The following GLMN variants were observed in gnomAD, a reference collection of about 807,000 sequenced individuals.
GLMN encodes glomulin, FKBP associated protein.
A neutral mutation model predicts 87.8 loss-of-function variants in GLMN; 75 were observed. The ratio of observed to expected loss-of-function variants is 0.85; its 90% CI spans 0.71 to 1.04. GLMN has a LOEUF of 1.04. Ranked by LOEUF, GLMN falls within the 50% of genes least tolerant of loss-of-function variation. GLMN has a pLI of 0.00. For synonymous variants in GLMN, 206 were observed against 221.6 expected, an observed-to-expected ratio of 0.93 and a Z score of 0.63; for missense variants, 588 against 658.8, an observed-to-expected ratio of 0.89 and a Z score of 1.18.
At chr1:92,360,375 C>T in the GLMN span, among the ~76,000 whole-genome samples, 4 of 152,142 alleles carry the variant, frequency 2.6e-5, no homozygotes, top group Non-Finnish European at 5.9e-5. Flanking sequence ...TATAGTATTA[C>T]ATATGGTGTT....
chr1:92,334,478 T>G, the GLMN span, among the ~76,000 whole-genome samples: 23 of 152,172 alleles, frequency 1.5e-4, no homozygotes, highest in African/African-American at 5.3e-4. Flanking sequence ...CCTTTGTATT[T>G]AGAGATAAAA....
chr1:92,280,254 A>G (rs1415096515), intron 7 of GLMN, among the ~76,000 whole-genome samples: 3 of 152,172 alleles, frequency 2.0e-5, no homozygotes, highest in Non-Finnish European at 4.4e-5. Context: ...CTCTGGGACA[A>G]AGCTTCCAGA....
In GLMN at chr1:92,252,423, AAT is replaced by A. The variant is rs533512015; in HGVS notation, c.1474-4436_1474-4435del. 1.6e-3 allele frequency among the ~76,000 whole-genome samples: 241 copies of A among 152,302 alleles called. 1 individual carries two copies. The highest frequency in any genetic ancestry group is 5.5e-3 in the African/African-American group (230 of 41,562). On this transcript the variant is annotated intron_variant, in intron 16 of 18. Coordinates refer to ENST00000370360, the MANE Select transcript of GLMN (RefSeq NM_053274.3). The stretch of plus-strand genomic sequence containing the variant: ...GGAAAAAAAAATTAATATAAATTTA[AAT>A]AGTCACATGTGTCTACTGTCTACTG...
chr1:92,339,665 C>T, the GLMN span, among the ~76,000 whole-genome samples: 42,442 of 151,436 alleles, frequency 0.28, 6,859 homozygotes, highest in Non-Finnish European at 0.35. Context: ...TTTATTTTTC[C>T]GCCATAGAAT....
At chr1:92,342,654 G>C in the GLMN span, among the ~76,000 whole-genome samples, 3 of 152,170 alleles carry the variant, frequency 2.0e-5, no homozygotes, top group Non-Finnish European at 4.4e-5. Context: ...GGTAATCTAG[G>C]TAAGAAATGG....
chr1:92,326,135 A>C, the GLMN span, among the ~76,000 whole-genome samples: 1 of 152,002 alleles, frequency 6.6e-6, no homozygotes, highest in Non-Finnish European at 1.5e-5. Context: ...ACCGGTTTAC[A>C]GTTCCACTAC....
chr1:92,304,349 G>C, the GLMN span: 3 of 1,505,830 alleles, frequency 2.0e-6, no homozygotes, highest in Non-Finnish European at 2.7e-6. Flanking sequence ...CTGAAAGAAA[G>C]GTGAGTTTAA....
the GLMN span, among the ~76,000 whole-genome samples, chr1:92,311,830 AT>A: frequency 6.6e-6 from 1 of 152,230 alleles, no homozygotes; most frequent in Non-Finnish European, 1.5e-5. Flanking sequence ...TCTTTAAAAA[AT>A]AATGTACATA....
At chr1:92,300,214 T>C, upstream of GLMN, 1 of 1,610,826 alleles carries the variant, frequency 6.2e-7, no homozygotes. Flanking sequence ...GACAAGTACT[T>C]TGAAACAAGA....
chr1:92,309,021 T>TCTCAC, the GLMN span, among the ~76,000 whole-genome samples: 1,475 of 152,258 alleles, frequency 9.7e-3, 13 homozygotes, highest in Non-Finnish European at 0.012. Flanking sequence ...TTTCCTAAAA[T>TCTCAC]CTCACCATCC....
the GLMN span, among the ~76,000 whole-genome samples, chr1:92,309,209 C>T: frequency 6.6e-6 from 1 of 151,888 alleles, no homozygotes; most frequent in Non-Finnish European, 1.5e-5. Flanking sequence ...TTTGGGAGGC[C>T]GAGGGGGGCA....
intron 16 of GLMN, among the ~76,000 whole-genome samples, chr1:92,261,452 G>A (rs968893466): frequency 2.0e-5 from 3 of 152,158 alleles, no homozygotes; most frequent in African/African-American, 7.2e-5. Context: ...CTGTAATCCA[G>A]CCTGGGCAAG....
chr1:92,357,489 A>G, the GLMN span, among the ~76,000 whole-genome samples: 1 of 152,192 alleles, frequency 6.6e-6, no homozygotes, highest in Non-Finnish European at 1.5e-5. Flanking sequence ...AAAAAGCAAG[A>G]TAAGGCTGAT....
At chr1:92,351,305 CAAAAAAAAAAAAAAA>C in the GLMN span, among the ~76,000 whole-genome samples, 1 of 86,840 alleles carries the variant, frequency 1.2e-5, no homozygotes, top group East Asian at 3.6e-4. Flanking sequence ...GACTCTGTCT[CAAAAAAAAAAAAAAA>C]AAAAAAAAGA....
chr1:92,274,870 C>T (rs1288035847), intron 7 of GLMN, among the ~76,000 whole-genome samples: 1 of 152,100 alleles, frequency 6.6e-6, no homozygotes, highest in East Asian at 1.9e-4. Flanking sequence ...ACATTTTGAC[C>T]TACCTAGGCA....
the GLMN span, among the ~76,000 whole-genome samples, chr1:92,361,120 T>C: frequency 7.2e-4 from 105 of 146,688 alleles, 1 homozygote; most frequent in Non-Finnish European, 1.2e-3. Context: ...CACACACATA[T>C]ATATATATAT....
In GLMN at chr1:92,268,117, G is replaced by A. The variant is rs528499611; in HGVS notation, c.996C>T (p.Ile332=). 37 of 1,440,382 alleles carry A rather than the reference G, an allele frequency of 2.6e-5. No homozygotes were observed. In the East Asian group the frequency reaches 6.4e-4, roughly 25 times the overall value. The allele number at this position is 1,440,382 out of a possible 1,614,324, so 89.2% of individuals were successfully genotyped here. ...VFLQRTEESV[I]SKGLELLENS... is the part of the protein sequence containing the mutation. ...ACAAACATCTTACCAATCCTTTGGA[G>A]ATAACAGACTCTTCTGTTCTGAAAA... Residue 332 remains isoleucine, a synonymous_variant, in exon 10 of 19, where the codon ATC becomes ATT. Transcript: ENST00000370360.
rs752136323 is a variant in GLMN, at chr1:92,286,529, A to G, written c.696T>C (p.Gly232=). Residue 232 remains glycine, a synonymous_variant, in exon 7 of 19, where the codon GGT becomes GGC. Coordinates refer to ENST00000370360, the MANE Select transcript of GLMN (RefSeq NM_053274.3). ...TAQFFEQSEE[G]GNDPFRYFAS... ...CAAAATACCTGAAAGGATCATTTCC[A>G]CCTTCTTCAGACTGTTCAAAGAATT... The G allele has an allele frequency of 4.4e-6, 7 of 1,602,862 alleles. No individual in the cohort carries two copies. The highest frequency in any genetic ancestry group is 1.3e-5 in the African/African-American group (1 of 74,730).
the GLMN span, among the ~76,000 whole-genome samples, chr1:92,348,711 A>G: frequency 3.3e-5 from 5 of 152,104 alleles, no homozygotes; most frequent in Non-Finnish European, 7.4e-5. Context: ...TCACCTTTTT[A>G]TAGCAAATAC....
Sources: allele counts gnomAD v4.1 joint callset (sites outside exome capture counted in the v4.1 genomes callset), GRCh38; gene constraint gnomAD v4.1.1; transcripts MANE v1.5; gene names NCBI Gene and HGNC (gene_info 2026-07-23, HGNC 2026-07-21).